The following PDE4DIP variants were observed in gnomAD, a reference collection of about 807,000 sequenced individuals.
PDE4DIP encodes phosphodiesterase 4D interacting protein.
In PDE4DIP, 59 loss-of-function variants were observed where a neutral mutation model predicts 221.4. The observed-to-expected ratio is 0.27, with a 90% CI of 0.22 to 0.33. The LOEUF (loss-of-function observed/expected upper bound fraction) is 0.33. Among genes scored for constraint, PDE4DIP ranks in the 10% least tolerant of loss-of-function variants. The pLI, the probability that PDE4DIP is intolerant of heterozygous loss-of-function variation, is 1.00. For synonymous variants in PDE4DIP, 404 were observed against 815.9 expected (o/e 0.50, Z 8.60); for missense variants, 1,036 against 2,154.2 (o/e 0.48, Z 10.28).
At chr1:148,990,445 T>C in intron 21 of PDE4DIP, 1 of 584,296 alleles carries the variant, frequency 1.7e-6, no homozygotes, top group Non-Finnish European at 2.2e-6. Context: ...AGCAGAGCCT[T>C]TCATGCCTGG....
intron 21 of PDE4DIP, chr1:148,985,221 C>T (rs1287622784): frequency 6.6e-6 from 1 of 151,950 alleles, no homozygotes. Flanking sequence ...AGTGTGGAAC[C>T]ATTTGTACCG....
rs587634939 is a variant in PDE4DIP at position 148,969,601 on chromosome 1, G to A, written c.1980+571G>A. Among the ~76,000 whole-genome samples the A allele has an allele frequency of 1.1e-4, 16 of 151,134 alleles. No individual in the cohort carries two copies. In the East Asian group the frequency reaches 3.1e-3, roughly 30 times the overall value. Reference sequence around the variant, plus strand: ...TTTACTCTTAGTTTTTGTAAAATCTGAGTTAAGAGGGAAAAAAGATCGCAT... The same window carrying A: ...TTTACTCTTAGTTTTTGTAAAATCTAAGTTAAGAGGGAAAAAAGATCGCAT... On this transcript the variant is annotated intron_variant, in intron 14 of 43. Transcript: ENST00000369354.
intron 5 of PDE4DIP, among the ~76,000 whole-genome samples, chr1:148,943,207 AT>A (rs1191074726): frequency 7.6e-5 from 2 of 26,256 alleles, no homozygotes; most frequent in Admixed American, 4.3e-4. Context: ...TTCATATGAG[AT>A]TTTTTTTTAG....
At chr1:149,012,621 C>G in exon 32 of PDE4DIP, 1 of 1,606,732 alleles carries the variant, frequency 6.2e-7, no homozygotes, top group Non-Finnish European at 8.5e-7. Context: ...CCCAAGCTGG[C>G]TAGCCTTCCT....
chr1:148,929,826 C>T (rs1204415419), intron 2 of PDE4DIP: 6 of 152,686 alleles, frequency 3.9e-5, no homozygotes, highest in Non-Finnish European at 5.9e-5. Flanking sequence ...TTTATTGCAT[C>T]ATTAGTTGTA....
At chr1:148,980,022 G>A (rs1346902647) in intron 20 of PDE4DIP, among the ~76,000 whole-genome samples, 173 bp downstream of exon 23, 2 of 152,250 alleles carry the variant, frequency 1.3e-5, no homozygotes, top group African/African-American at 2.4e-5. Flanking sequence ...TTTATGGATT[G>A]CTCTGAGCCT....
intron 23 of PDE4DIP, chr1:148,999,236 C>A (rs2065050888): frequency 1.3e-5 from 2 of 150,206 alleles, no homozygotes; most frequent in Admixed American, 1.3e-4. Context: ...GGAGAACATG[C>A]TGATACTGTA....
chr1:149,011,061 C>T (rs1315935772), intron 31 of PDE4DIP, among the ~76,000 whole-genome samples: 1 of 151,658 alleles, frequency 6.6e-6, no homozygotes, highest in Admixed American at 6.6e-5. Flanking sequence ...GTTCATAGTA[C>T]GTTACCATTA....
At position 148,818,096 on chromosome 1, in the gene PDE4DIP, G is replaced by A. The variant is rs587762837; in HGVS notation, c.233+9359G>A. Among the ~76,000 whole-genome samples, 610 of 148,668 alleles carry A rather than the reference G, an allele frequency of 4.1e-3. 8 individuals carry two copies. Among genetic ancestry groups the A allele is most frequent in the South Asian group, 0.015 (67 of 4,594 alleles). On this transcript the variant is annotated intron_variant, in intron 1 of 45. Coordinates refer to the PDE4DIP transcript ENST00000524974. Reference sequence around the variant, plus strand: ...CCCAAAGTGCTGGGATTACAGGCGTGAGGCACTGTGCCCCGCCCATGTATT... The same window carrying A: ...CCCAAAGTGCTGGGATTACAGGCGTAAGGCACTGTGCCCCGCCCATGTATT...
At chr1:148,952,166 G>T (rs1166007491) in intron 5 of PDE4DIP, 2 of 1,035,636 alleles carry the variant, frequency 1.9e-6, no homozygotes, top group Admixed American at 1.1e-4. Context: ...TGAGGTCTTA[G>T]CAGATGAAAG....
At chr1:149,029,675 T>A (rs1553634088) in intron 41 of PDE4DIP, 112 bp from the exon 45 acceptor site, 1 of 756,166 alleles carries the variant, frequency 1.3e-6, no homozygotes, top group Non-Finnish European at 2.2e-6. Flanking sequence ...GAAATCCAGT[T>A]CAAGAGAGTT....
chr1:148,903,128 T>C (rs1378229993), intron 1 of PDE4DIP, among the ~76,000 whole-genome samples: 30 of 151,376 alleles, frequency 2.0e-4, no homozygotes, highest in East Asian at 1.7e-3. Flanking sequence ...TATCACATTG[T>C]GGTTTTGATT....
At chr1:148,929,607 T>C (rs1573612652) in intron 2 of PDE4DIP, 1 of 260,670 alleles carries the variant, frequency 3.8e-6, no homozygotes, top group Non-Finnish European at 7.5e-6. Context: ...TCAGTCAGCC[T>C]ATAATAACAT....
At chr1:148,975,102 C>T (rs1463502015) in intron 17 of PDE4DIP, among the ~76,000 whole-genome samples, 35 of 145,834 alleles carry the variant, frequency 2.4e-4, no homozygotes, top group Non-Finnish European at 3.1e-4. Context: ...ACCCGGGAGG[C>T]AGAGGTTGCA....
chr1:149,006,686 C>G (rs2067140583), intron 27 of PDE4DIP: 1 of 137,262 alleles, frequency 7.3e-6, no homozygotes, highest in African/African-American at 2.8e-5. Flanking sequence ...ACATGTATAA[C>G]AGTTGAAGAA....
exon 18 of PDE4DIP, chr1:148,977,965 T>C: frequency 6.2e-7 from 1 of 1,614,168 alleles, no homozygotes; most frequent in Non-Finnish European, 8.5e-7. Context: ...CAGTCCATGA[T>C]GGCTGTGCAG....
intron 32 of PDE4DIP, among the ~76,000 whole-genome samples, chr1:149,015,621 G>C (rs1396685297): frequency 3.3e-5 from 5 of 151,838 alleles, no homozygotes; most frequent in African/African-American, 1.2e-4. Context: ...TTAAATGAAA[G>C]GTCCTACCTG....
At chr1:148,978,004 A>T in exon 18 of PDE4DIP, 1 of 1,614,118 alleles carries the variant, frequency 6.2e-7, no homozygotes, top group Non-Finnish European at 8.5e-7. Context: ...CAGGCTGCTG[A>T]TATGGAGTCT....
At chr1:148,879,275 T>TG (rs1413755457) in intron 3 of PDE4DIP, among the ~76,000 whole-genome samples, 3 of 128,148 alleles carry the variant, frequency 2.3e-5, no homozygotes, top group African/African-American at 8.8e-5. Flanking sequence ...TGGAGTGCAA[T>TG]GGCGTGATCT....
Sources: allele counts gnomAD v4.1 joint callset (sites outside exome capture counted in the v4.1 genomes callset), GRCh38; gene constraint gnomAD v4.1.1; transcripts MANE v1.5; gene names NCBI Gene and HGNC (gene_info 2026-07-23, HGNC 2026-07-21).